Variants in TBC1D5 observed in about 807,000 individuals in gnomAD.
The protein encoded by TBC1D5 is TBC1 domain family, member 5.
In TBC1D5, 75 loss-of-function variants were observed where a neutral mutation model predicts 100.3. That is an observed-to-expected ratio of 0.75 (90% CI 0.62 to 0.91). The LOEUF (loss-of-function observed/expected upper bound fraction) is 0.91. TBC1D5 is among the 40% of genes least tolerant of loss of function. The pLI is 0.00. For missense variants in TBC1D5, 910 were observed against 942.4 expected (o/e 0.97, Z 0.45); for synonymous variants, 323 against 325.6 (o/e 0.99, Z 0.09).
chr3:17,469,306 T>A (rs2095345592), intron 3 of TBC1D5, among the ~76,000 whole-genome samples: 2 of 152,188 alleles, frequency 1.3e-5, no homozygotes, highest in Non-Finnish European at 2.9e-5. Context: ...CAGAATAATC[T>A]ATCGAGTCAC....
intron 3 of TBC1D5, among the ~76,000 whole-genome samples, chr3:17,492,324 G>A (rs1423307649): frequency 6.6e-6 from 1 of 151,966 alleles, no homozygotes; most frequent in Non-Finnish European, 1.5e-5. Context: ...CATTCATTCT[G>A]GTAGCTTTGG....
At chr3:17,210,251 G>A (rs756934549) in intron 18 of TBC1D5, among the ~76,000 whole-genome samples, 7 of 151,348 alleles carry the variant, frequency 4.6e-5, no homozygotes, top group Non-Finnish European at 8.8e-5. Flanking sequence ...GCAGTGGCGC[G>A]ATCTCGGCTC....
intron 7 of TBC1D5, 98 bp downstream of exon 7, chr3:17,404,596 G>T: frequency 1.9e-6 from 2 of 1,067,890 alleles, no homozygotes; most frequent in Non-Finnish European, 2.7e-6. Context: ...AAAACAGTTA[G>T]CATGAAATAT....
At chr3:17,550,259 A>G (rs1439915344) in intron 2 of TBC1D5, among the ~76,000 whole-genome samples, 4 of 152,258 alleles carry the variant, frequency 2.6e-5, no homozygotes, top group Non-Finnish European at 5.9e-5. Context: ...ATTTACTACT[A>G]TGAATATGTG....
At chr3:17,663,160 A>G (rs556086816) in intron 1 of TBC1D5, 1 of 152,228 alleles carries the variant, frequency 6.6e-6, no homozygotes, top group Non-Finnish European at 1.5e-5. Flanking sequence ...CAAAACTGAT[A>G]ATTTTAAAAT....
chr3:17,652,902 C>A (rs2065713542), intron 1 of TBC1D5, among the ~76,000 whole-genome samples: 1 of 152,136 alleles, frequency 6.6e-6, no homozygotes, highest in South Asian at 2.1e-4. Context: ...AAGATAGAAA[C>A]AGCCCAACTG....
intron 19 of TBC1D5, among the ~76,000 whole-genome samples, chr3:17,183,398 A>T (rs1419642353): frequency 6.6e-6 from 1 of 152,210 alleles, no homozygotes; most frequent in Non-Finnish European, 1.5e-5. Context: ...ACTCTTGTTA[A>T]TTGGACTCTG....
chr3:17,265,260 A>G (rs1245917959), intron 15 of TBC1D5, among the ~76,000 whole-genome samples: 3 of 151,906 alleles, frequency 2.0e-5, no homozygotes, highest in Non-Finnish European at 4.4e-5. Flanking sequence ...AAACTGACAA[A>G]TTCTATAGCA....
intron 1 of TBC1D5, among the ~76,000 whole-genome samples, chr3:17,677,559 T>C (rs2068807992): frequency 6.6e-6 from 1 of 152,162 alleles, no homozygotes; most frequent in Admixed American, 6.5e-5. Context: ...GACTGTAAAC[T>C]AGTTCAGCCA....
intron 15 of TBC1D5, among the ~76,000 whole-genome samples, chr3:17,264,266 CT>C (rs927144610): frequency 5.3e-5 from 8 of 151,962 alleles, no homozygotes; most frequent in African/African-American, 1.9e-4. Flanking sequence ...TCTACTGAGT[CT>C]AGAGAAATCA....
intron 1 of TBC1D5, among the ~76,000 whole-genome samples, 196 bp from the exon 2 acceptor site, chr3:17,624,109 G>C (rs1287427931): frequency 1.3e-5 from 2 of 152,094 alleles, no homozygotes; most frequent in African/African-American, 4.8e-5. Context: ...CTCTTATGAT[G>C]TCAAACACTG....
intron 10 of TBC1D5, among the ~76,000 whole-genome samples, 170 bp downstream of exon 10, chr3:17,376,355 C>T (rs180937858): frequency 7.9e-5 from 12 of 152,146 alleles, no homozygotes; most frequent in Admixed American, 2.6e-4. Context: ...CTAAACTGGC[C>T]TAACAACAAT....
intron 15 of TBC1D5, among the ~76,000 whole-genome samples, chr3:17,269,492 T>C (rs551011322): frequency 6.6e-6 from 1 of 152,204 alleles, no homozygotes; most frequent in South Asian, 2.1e-4. Context: ...CTTCTTTAAC[T>C]TCAATTTTTA....
At chr3:17,737,279 T>C (rs1361833115) in intron 1 of TBC1D5, among the ~76,000 whole-genome samples, 1 of 152,212 alleles carries the variant, frequency 6.6e-6, no homozygotes, top group Non-Finnish European at 1.5e-5. Flanking sequence ...TAAGTACTTT[T>C]GGTTCAACCT....
At chr3:17,353,905 C>T (rs906128275) in intron 13 of TBC1D5, among the ~76,000 whole-genome samples, 1 of 152,090 alleles carries the variant, frequency 6.6e-6, no homozygotes, top group African/African-American at 2.4e-5. Flanking sequence ...TGACTGTTAA[C>T]TTCATGTTGC....
intron 1 of TBC1D5, among the ~76,000 whole-genome samples, chr3:17,704,543 G>A (rs1577642552): frequency 4.7e-5 from 4 of 85,856 alleles, no homozygotes; most frequent in Non-Finnish European, 4.8e-5. Flanking sequence ...GGCTGGCCGG[G>A]CGGGGGGCCG....
chr3:17,403,799 T>C (rs1395745433), intron 7 of TBC1D5, among the ~76,000 whole-genome samples: 1 of 152,094 alleles, frequency 6.6e-6, no homozygotes, highest in Non-Finnish European at 1.5e-5. Context: ...CTAGTATATA[T>C]TCTCAAAATT....
intron 2 of TBC1D5, among the ~76,000 whole-genome samples, chr3:17,621,556 CTA>C (rs886550934): frequency 6.6e-6 from 1 of 152,214 alleles, no homozygotes; most frequent in African/African-American, 2.4e-5. Context: ...ACCAAAAGCT[CTA>C]TGACTTCTAA....
At chr3:17,168,816 C>G (rs1400417781) in intron 19 of TBC1D5, among the ~76,000 whole-genome samples, 1 of 152,182 alleles carries the variant, frequency 6.6e-6, no homozygotes, top group East Asian at 1.9e-4. Flanking sequence ...CTTACAATGT[C>G]TTCCATGCTA....
Sources: allele counts gnomAD v4.1 joint callset (sites outside exome capture counted in the v4.1 genomes callset), GRCh38; gene constraint gnomAD v4.1.1; transcripts MANE v1.5; gene names NCBI Gene and HGNC (gene_info 2026-07-23, HGNC 2026-07-21).